Variants in DDB2 observed in about 807,000 individuals in gnomAD.
DDB2 encodes the protein damage specific DNA binding protein 2.
A neutral mutation model predicts 50.5 loss-of-function variants in DDB2; 27 were observed. The ratio of observed to expected loss-of-function variants is 0.53; its 90% CI spans 0.39 to 0.74. The LOEUF is 0.74. Among genes scored for constraint, DDB2 ranks in the 30% least tolerant of loss-of-function variants. The pLI is 0.00. For missense variants in DDB2, 424 were observed against 545.6 expected (o/e 0.78, Z 2.22); for synonymous variants, 176 against 205.5 (o/e 0.86, Z 1.23).
chr11:47,216,932 G>A lies in DDB2; in HGVS notation c.339G>A (p.Arg113=). The A allele has an allele frequency of 6.2e-7, 1 of 1,614,088 alleles. No individual in the cohort carries two copies. The highest frequency in any genetic ancestry group is 8.5e-7 in the Non-Finnish European group (1 of 1,180,012). The change falls in exon 3 of 10, where the codon AGG becomes AGA. Residue 113 remains arginine, a synonymous_variant. Coordinates refer to ENST00000256996, the MANE Select transcript of DDB2 (RefSeq NM_000107.3). ...ILQKAAPFDR[R]ATSLAWHPTH... is the part of the protein sequence containing the mutation. ...AAAAGGCTGCCCCCTTTGACAGGAG[G>A]GCTACATCCTTGGCGTGGCACCCAA...
intron 3 of DDB2, among the ~76,000 whole-genome samples, chr11:47,227,671 C>T (rs994330456): frequency 1.1e-4 from 16 of 151,934 alleles, no homozygotes; most frequent in Admixed American, 2.6e-4. Context: ...CCAGCTGGCC[C>T]GATTGATTTT....
intron 3 of DDB2, among the ~76,000 whole-genome samples, chr11:47,223,484 AAAAT>A (rs542359887): frequency 5.5e-4 from 82 of 150,376 alleles, no homozygotes; most frequent in African/African-American, 1.6e-3. Flanking sequence ...CTGTGTCTCA[AAAAT>A]AAATAAATAA....
Position 47,224,240 on chromosome 11 carries a change from T to C in DDB2, c.456+7191T>C, listed in dbSNP as rs1312638715. Among the ~76,000 whole-genome samples the C allele has an allele frequency of 2.0e-5, 3 of 152,002 alleles. No homozygotes were observed. The South Asian group carries it at 6.2e-4, about 32-fold the overall frequency. ...TTCTTTGATTTATGGATTTTTTTTTTCTTTTGAGACAAAGTCTCACTCTGT... is the reference window on the plus strand; with the variant it reads ...TTCTTTGATTTATGGATTTTTTTTTCCTTTTGAGACAAAGTCTCACTCTGT... On this transcript the variant is annotated intron_variant, in intron 3 of 9. Transcript: ENST00000256996.
chr11:47,217,955 A>G (rs1234466446), intron 3 of DDB2, among the ~76,000 whole-genome samples: 1 of 152,020 alleles, frequency 6.6e-6, no homozygotes, highest in East Asian at 1.9e-4. Flanking sequence ...GTCTTTTCTC[A>G]CTTCTATGCT....
chr11:47,226,370 A>G (rs1953558233), intron 3 of DDB2, among the ~76,000 whole-genome samples: 1 of 150,218 alleles, frequency 6.7e-6, no homozygotes, highest in Non-Finnish European at 1.5e-5. Flanking sequence ...CTGCCTCCTG[A>G]GTTCAACTGA....
At chr11:47,235,182 G>C (rs890681933) in intron 6 of DDB2, 88 bp from the exon 7 acceptor site, 6 of 1,559,382 alleles carry the variant, frequency 3.8e-6, no homozygotes, top group Non-Finnish European at 5.3e-6. Flanking sequence ...GAGTGGGAGG[G>C]AGAGTACCCC....
intron 3 of DDB2, among the ~76,000 whole-genome samples, chr11:47,223,697 G>T (rs1286284467): frequency 6.6e-6 from 1 of 151,742 alleles, no homozygotes; most frequent in Admixed American, 6.6e-5. Flanking sequence ...CAGGAGAATG[G>T]TGTGAACCCA....
At chr11:47,231,017 G>A (rs1308788220) in intron 3 of DDB2, among the ~76,000 whole-genome samples, 14 of 151,166 alleles carry the variant, frequency 9.3e-5, no homozygotes, top group Admixed American at 6.6e-4. Context: ...CTACTCAGGA[G>A]GCTGAGGCAG....
intron 3 of DDB2, among the ~76,000 whole-genome samples, chr11:47,223,376 C>G (rs1053302646): frequency 2.6e-5 from 4 of 151,840 alleles, no homozygotes; most frequent in Admixed American, 2.6e-4. Flanking sequence ...TCCCAGCTAC[C>G]CGGGAGGCTG....
chr11:47,233,100 T>G (rs1295718424), intron 4 of DDB2, 141 bp downstream of exon 4: 2 of 1,008,418 alleles, frequency 2.0e-6, no homozygotes, highest in Non-Finnish European at 3.1e-6. Context: ...CTTCTTTCTC[T>G]TTCTCAAACT....
chr11:47,216,721 C>T, intron 2 of DDB2, 137 bp from the exon 3 acceptor site: 1 of 1,027,580 alleles, frequency 9.7e-7, no homozygotes, highest in Non-Finnish European at 1.5e-6. Flanking sequence ...CAAATATTTT[C>T]ATGCACAGGG....
rs326212 is a variant in DDB2 at position 47,216,971 on chromosome 11, C to A, written c.378C>A (p.Thr126=). 2 of 1,613,884 alleles carry A rather than the reference C, an allele frequency of 1.2e-6. No homozygotes were observed. The highest frequency in any genetic ancestry group is 2.7e-5 in the African/African-American group (2 of 74,914). The part of the protein sequence containing the change: ...SLAWHPTHPS[T]VAVGSKGGDI... ...CGTGGCACCCAACTCACCCCAGCACCGTGGCTGTGGGTTCCAAAGGGGGAG... is the reference window on the plus strand; with the variant it reads ...CGTGGCACCCAACTCACCCCAGCACAGTGGCTGTGGGTTCCAAAGGGGGAG... Residue 126 remains threonine (T), a synonymous_variant, in exon 3 of 10, where the codon ACC becomes ACA. Transcript: ENST00000256996.
chr11:47,232,864 C>G lies in DDB2; in HGVS notation c.507C>G (p.Thr169=). ...GGCTGAAGTTTAACCCTCTCAATAC[C>G]AACCAGTTTTACGCCTCCTCAATGG... The part of the protein sequence containing the change: ...ITGLKFNPLN[T]NQFYASSMEG... Residue 169 remains threonine, a synonymous_variant, in exon 4 of 10, where the codon ACC becomes ACG. Coordinates refer to ENST00000256996, the MANE Select transcript of DDB2 (RefSeq NM_000107.3). 6.2e-7 allele frequency: 1 copy of G among 1,614,074 alleles called. No homozygotes were observed. The highest frequency in any genetic ancestry group is 8.5e-7 in the Non-Finnish European group (1 of 1,179,992).
chr11:47,220,543 CCTT>C (rs1953469815), intron 3 of DDB2: 2 of 152,072 alleles, frequency 1.3e-5, no homozygotes, highest in South Asian at 4.1e-4. Context: ...ATGCGTGTAA[CCTT>C]CTTTACAGTG....
upstream of DDB2, chr11:47,214,788 T>G: frequency 3.0e-6 from 1 of 336,498 alleles, no homozygotes; most frequent in Non-Finnish European, 5.6e-6. Context: ...AAAAAAAAAA[T>G]CCATAAAGCC....
At chr11:47,216,515 C>G in intron 2 of DDB2, 43 bp downstream of exon 2, 1 of 1,611,530 alleles carries the variant, frequency 6.2e-7, no homozygotes, top group Non-Finnish European at 8.5e-7. Context: ...TTTACACGTG[C>G]ATTTTTACTA....
chr11:47,238,608 C>T (rs1343018873), intron 9 of DDB2, among the ~76,000 whole-genome samples, 192 bp from the exon 10 acceptor site: 1 of 152,104 alleles, frequency 6.6e-6, no homozygotes, highest in Admixed American at 6.5e-5. Context: ...CCGTGTTAGC[C>T]AGGATGGTCT....
At chr11:47,221,956 A>C (rs1953491376) in intron 3 of DDB2, among the ~76,000 whole-genome samples, 1 of 152,216 alleles carries the variant, frequency 6.6e-6, no homozygotes, top group Non-Finnish European at 1.5e-5. Flanking sequence ...CAATTTGGCT[A>C]TTCTCAGCCT....
intron 3 of DDB2, among the ~76,000 whole-genome samples, chr11:47,232,208 G>A (rs1221020235): frequency 6.6e-6 from 1 of 152,038 alleles, no homozygotes; most frequent in African/African-American, 2.4e-5. Context: ...GCCATGCGTG[G>A]TGGTGGGCAC....
Sources: allele counts gnomAD v4.1 joint callset (sites outside exome capture counted in the v4.1 genomes callset), GRCh38; gene constraint gnomAD v4.1.1; transcripts MANE v1.5; gene names NCBI Gene and HGNC (gene_info 2026-07-23, HGNC 2026-07-21).